Variants in UBE2D2 observed in about 807,000 individuals in gnomAD.
UBE2D2 encodes the protein ubiquitin-conjugating enzyme E2 D2.
UBE2D2 carries 2 observed loss-of-function variants against 24.2 expected under a neutral mutation model. That is an observed-to-expected ratio of 0.08 (90% CI 0.03 to 0.26). UBE2D2 has a LOEUF of 0.26. Among genes scored for constraint, UBE2D2 ranks in the 10% least tolerant of loss-of-function variants. The pLI is 1.00. For synonymous variants in UBE2D2, 58 were observed against 56.5 expected, an observed-to-expected ratio of 1.03 and a Z score of -0.12; for missense variants, 44 against 177.6, an observed-to-expected ratio of 0.25 and a Z score of 4.28.
At chr5:139,599,363 A>G (rs902615860) in intron 1 of UBE2D2, among the ~76,000 whole-genome samples, 2 of 152,168 alleles carry the variant, frequency 1.3e-5, no homozygotes, top group African/African-American at 2.4e-5. Flanking sequence ...AGCTTGTCCC[A>G]AGTGTAACCT....
At chr5:139,567,256 C>A (rs929615647) in intron 1 of UBE2D2, among the ~76,000 whole-genome samples, 2 of 151,856 alleles carry the variant, frequency 1.3e-5, no homozygotes, top group Admixed American at 6.6e-5. Context: ...CGCACCACCA[C>A]GCCCAGCTAA....
At chr5:139,615,444 C>T (rs1473139299) in intron 5 of UBE2D2, among the ~76,000 whole-genome samples, 1 of 151,766 alleles carries the variant, frequency 6.6e-6, no homozygotes, top group Non-Finnish European at 1.5e-5. Flanking sequence ...GAGATTGTGC[C>T]ACTGCACTCC....
At chr5:139,552,972 G>A (rs1203728409) in intron 1 of UBE2D2, among the ~76,000 whole-genome samples, 2 of 151,872 alleles carry the variant, frequency 1.3e-5, no homozygotes, top group African/African-American at 4.8e-5. Flanking sequence ...ATGAGCCACC[G>A]CACCCGGCCT....
At chr5:139,622,926 A>T (rs28492801) in intron 5 of UBE2D2, among the ~76,000 whole-genome samples, 436 of 138,010 alleles carry the variant, frequency 3.2e-3, no homozygotes, top group African/African-American at 0.011. Context: ...ACTATTTGCC[A>T]GGTGTGGTGG....
At chr5:139,579,907 C>T (rs946847937) in intron 1 of UBE2D2, among the ~76,000 whole-genome samples, 1 of 151,900 alleles carries the variant, frequency 6.6e-6, no homozygotes, top group Non-Finnish European at 1.5e-5. Context: ...ATTAGCCGGG[C>T]ATGGTGGCAC....
intron 5 of UBE2D2, among the ~76,000 whole-genome samples, chr5:139,617,953 T>TA (rs34687149): frequency 0.061 from 9,280 of 151,264 alleles, 330 homozygotes; most frequent in South Asian, 0.11. Context: ...GACTCAATCT[T>TA]AAAAAAAAAT....
intron 1 of UBE2D2, among the ~76,000 whole-genome samples, chr5:139,527,660 A>ACTGGTTGTT (rs1013503677): frequency 1.3e-5 from 2 of 152,238 alleles, no homozygotes; most frequent in African/African-American, 4.8e-5. Context: ...AAATAAATTA[A>ACTGGTTGTT]CTGGTTGTTT....
At chr5:139,540,621 T>G (rs1288652714) in intron 1 of UBE2D2, among the ~76,000 whole-genome samples, 5 of 152,034 alleles carry the variant, frequency 3.3e-5, no homozygotes, top group African/African-American at 1.2e-4. Flanking sequence ...GAAACCAATG[T>G]GCAGGTTTGA....
At chr5:139,526,391 C>G (rs184982717), upstream of UBE2D2, 1 of 152,174 alleles carries the variant, frequency 6.6e-6, no homozygotes, top group Non-Finnish European at 1.5e-5. Flanking sequence ...GACAGACGGC[C>G]GAGGCAGCCC....
chr5:139,593,144 C>T (rs926704533), intron 1 of UBE2D2, among the ~76,000 whole-genome samples: 6 of 151,414 alleles, frequency 4.0e-5, no homozygotes, highest in Admixed American at 1.3e-4. Context: ...TACAGGCAAG[C>T]GCCACCACGC....
chr5:139,580,555 G>A (rs1205310171), intron 1 of UBE2D2, among the ~76,000 whole-genome samples: 3 of 152,096 alleles, frequency 2.0e-5, no homozygotes, highest in East Asian at 1.9e-4. Context: ...TCCGCCTCCC[G>A]GGTTTAAGCA....
intron 2 of UBE2D2, among the ~76,000 whole-genome samples, chr5:139,606,805 G>A (rs1581525466): frequency 1.3e-5 from 2 of 151,984 alleles, no homozygotes; most frequent in East Asian, 3.9e-4. Flanking sequence ...AGTAATTCTT[G>A]AGCTATTTCT....
chr5:139,557,749 T>C (rs935269473), upstream of UBE2D2, among the ~76,000 whole-genome samples: 1 of 151,454 alleles, frequency 6.6e-6, no homozygotes, highest in South Asian at 2.1e-4. Flanking sequence ...TCTGTCTCAA[T>C]AAATAAATAA....
intron 1 of UBE2D2, among the ~76,000 whole-genome samples, chr5:139,595,894 T>G (rs1030697519): frequency 1.9e-4 from 11 of 59,370 alleles, no homozygotes; most frequent in East Asian, 1.0e-3. Flanking sequence ...TTTTTGTTGT[T>G]TTTTTTTTTT....
At chr5:139,566,325 T>C (rs1209570779) in intron 1 of UBE2D2, among the ~76,000 whole-genome samples, 2 of 151,942 alleles carry the variant, frequency 1.3e-5, no homozygotes. Flanking sequence ...GGCCTATGGC[T>C]AGCTTCTTTT....
Position 139,561,692 on chromosome 5 carries a change from G to T in UBE2D2, c.-100G>T. 1.1e-6 allele frequency: 1 copy of T among 947,780 alleles called. No individual in the cohort carries two copies. Among genetic ancestry groups the T allele is most frequent in the South Asian group, 1.8e-5 (1 of 54,484 alleles). The allele number at this position is 947,780 out of a possible 1,614,324, so 58.7% of individuals were successfully genotyped here. A position where few individuals can be genotyped will look rare whatever the true frequency, so the allele number is the denominator to read the frequency against. On this transcript the variant is annotated 5_prime_UTR_variant, in exon 1 of 7. Transcript: ENST00000398733. ...CCTCAACTCTCCATCTTCTCCTGCC[G>T]ACCGAGATCGCCGAGGCGGCCTCAG...
intron 2 of UBE2D2, among the ~76,000 whole-genome samples, chr5:139,604,845 A>G (rs931856116): frequency 4.0e-5 from 6 of 151,204 alleles, no homozygotes; most frequent in African/African-American, 1.5e-4. Flanking sequence ...TGGCCACTAT[A>G]CTCTAGCTTG....
At position 139,531,145 on chromosome 5, in the gene UBE2D2, T is replaced by G. The variant is rs550426627; in HGVS notation, c.-64+4533T>G. Among the ~76,000 whole-genome samples, 143 of 152,246 alleles carry G rather than the reference T, an allele frequency of 9.4e-4. 1 individual carries two copies. Among genetic ancestry groups the G allele is most frequent in the East Asian group, 7.7e-4 (4 of 5,176 alleles). ...ATATTATTTTATACTCAGTACCTGT[T>G]TTAAGAAAAAACAACAAAGAAGTAA... On this transcript the variant is annotated intron_variant, in intron 1 of 6. Transcript: ENST00000511725.
At chr5:139,603,224 G>T (rs1754119023) in intron 2 of UBE2D2, among the ~76,000 whole-genome samples, 2 of 152,162 alleles carry the variant, frequency 1.3e-5, no homozygotes, top group South Asian at 4.1e-4. Context: ...GGAGTCAGGG[G>T]ATTTGATTTC....
Sources: allele counts gnomAD v4.1 joint callset (sites outside exome capture counted in the v4.1 genomes callset), GRCh38; gene constraint gnomAD v4.1.1; transcripts MANE v1.5; gene names NCBI Gene and HGNC (gene_info 2026-07-23, HGNC 2026-07-21).